Variants in ATP6V0E2 observed in about 807,000 individuals in gnomAD.
ATP6V0E2 encodes V-type proton ATPase subunit e 2.
Under a neutral mutation model 11.5 loss-of-function variants are expected in ATP6V0E2, and 4 were observed. The ratio of observed to expected loss-of-function variants is 0.35; its 90% CI spans 0.17 to 0.80. The LOEUF is 0.80. Among genes scored for constraint, ATP6V0E2 ranks in the 30% least tolerant of loss-of-function variants. The pLI, the probability that ATP6V0E2 is intolerant of heterozygous loss-of-function variation, is 0.53. For synonymous variants in ATP6V0E2, 52 were observed against 51.0 expected (o/e 1.02, Z -0.09); for missense variants, 93 against 113.5 (o/e 0.82, Z 0.82).
At chr7:149,879,146 C>A (rs1456326315) in intron 3 of ATP6V0E2, 189 bp from the exon 4 acceptor site, 7 of 1,398,912 alleles carry the variant, frequency 5.0e-6, no homozygotes, top group Admixed American at 3.1e-5. Flanking sequence ...TCCCAGCACC[C>A]CCCTCCCCCA....
upstream of ATP6V0E2, chr7:149,873,244 G>C (rs980902000): frequency 9.2e-5 from 14 of 152,288 alleles, no homozygotes; most frequent in African/African-American, 3.4e-4. Flanking sequence ...GACGCAAGGA[G>C]TCAAGGATCT....
chr7:149,876,006 A>C, intron 2 of ATP6V0E2: 1 of 477,882 alleles, frequency 2.1e-6, no homozygotes, highest in Non-Finnish European at 4.1e-6. Flanking sequence ...ATGAAATTAC[A>C]ACTCTCGAGA....
In ATP6V0E2 at chr7:149,879,401, C is replaced by A. The variant is rs745322377; in HGVS notation, c.*86C>A. 1 of 1,601,788 alleles carries A rather than the reference C, an allele frequency of 6.2e-7. No homozygotes were observed. The highest frequency in any genetic ancestry group is 8.5e-7 in the Non-Finnish European group (1 of 1,174,300). The stretch of plus-strand genomic sequence containing the variant: ...CAACCCCTTCGTCCGGACCCTCCCC[C>A]ACACAACTATGTCTGGTCACCAGCT... On this transcript the variant is annotated 3_prime_UTR_variant, in exon 4 of 4. Transcript: ENST00000425642.
At chr7:149,876,939 T>G (rs1413162333) in intron 2 of ATP6V0E2, among the ~76,000 whole-genome samples, 3 of 152,242 alleles carry the variant, frequency 2.0e-5, no homozygotes, top group Non-Finnish European at 2.9e-5. Context: ...AAAACCCACT[T>G]TCAAAAAATT....
upstream of ATP6V0E2, chr7:149,873,758 G>A (rs1802957204): frequency 2.1e-6 from 2 of 956,450 alleles, no homozygotes; most frequent in African/African-American, 1.7e-5. Context: ...CGTTGGCTGT[G>A]CGGGCGCGGG....
chr7:149,878,964 TG>T, intron 3 of ATP6V0E2, 174 bp downstream of exon 3: 1 of 121,204 alleles, frequency 8.3e-6, no homozygotes, highest in Non-Finnish European at 1.3e-5. Context: ...GGCAGGCACA[TG>T]GGGTTGGTAT....
chr7:149,879,800 C>T lies in ATP6V0E2; in HGVS notation c.*485C>T, dbSNP rs1178956340. On this transcript the variant is annotated 3_prime_UTR_variant, in exon 4 of 4. Coordinates refer to ENST00000425642, the MANE Select transcript of ATP6V0E2 (RefSeq NM_145230.4). ...GGCCTCTATTGGGTTATAGGCAAGG[C>T]CTTTTCTCTGGCATGGAATTGTTAA... 3.2e-6 allele frequency: 2 copies of T among 629,082 alleles called. No homozygotes were observed. Among genetic ancestry groups the T allele is most frequent in the Non-Finnish European group, 4.7e-6 (2 of 425,890 alleles). The allele number at this position is 629,082 out of a possible 1,614,324, so 39.0% of individuals were successfully genotyped here. A position where few individuals can be genotyped will look rare whatever the true frequency, so the allele number is the denominator to read the frequency against.
chr7:149,876,553 C>G lies in ATP6V0E2; in HGVS notation c.152+908C>G, dbSNP rs556915935. Reference sequence around the variant, plus strand: ...AACTGCCATTCACAATAGCCAATCCCTCTTTATTAAAAAAATTTTTTAAAA... The same window carrying G: ...AACTGCCATTCACAATAGCCAATCCGTCTTTATTAAAAAAATTTTTTAAAA... On this transcript the variant is annotated intron_variant, in intron 2 of 3. Coordinates refer to ENST00000425642, the MANE Select transcript of ATP6V0E2 (RefSeq NM_145230.4). 7.2e-5 allele frequency among the ~76,000 whole-genome samples: 11 copies of G among 152,312 alleles called. 1 individual carries two copies. Among genetic ancestry groups the G allele is most frequent in the Admixed American group, 6.5e-4 (10 of 15,298 alleles).
At chr7:149,878,520 C>T (rs973479650) in intron 2 of ATP6V0E2, among the ~76,000 whole-genome samples, 158 bp from the exon 3 acceptor site, 3 of 152,084 alleles carry the variant, frequency 2.0e-5, no homozygotes, top group African/African-American at 2.4e-5. Flanking sequence ...ATGTGCCTGC[C>T]GGAGTGTGGA....
chr7:149,875,456 A>G, intron 1 of ATP6V0E2, 142 bp from the exon 2 acceptor site: 2 of 809,890 alleles, frequency 2.5e-6, no homozygotes, highest in South Asian at 2.8e-5. Flanking sequence ...CCCTGAGTAG[A>G]ACTCAGCCTC....
chr7:149,879,076 A>ACAT, intron 3 of ATP6V0E2: 1 of 1,369,116 alleles, frequency 7.3e-7, no homozygotes, highest in Non-Finnish European at 9.5e-7. Flanking sequence ...AGGGGACTGA[A>ACAT]CATCAACTCC....
chr7:149,879,844 T>C lies in ATP6V0E2; in HGVS notation c.*529T>C. On this transcript the variant is annotated 3_prime_UTR_variant, in exon 4 of 4. Transcript: ENST00000425642. The stretch of plus-strand genomic sequence containing the variant: ...TTGTTAATTTTCTGACACGTCTAGA[T>C]GTGAAATTTCTGAAAATGTTGAAGC... The C allele has an allele frequency of 2.2e-6, 1 of 463,902 alleles. No homozygotes were observed. The highest frequency in any genetic ancestry group is 4.4e-5 in the Admixed American group (1 of 22,902). The allele number at this position is 463,902 out of a possible 1,614,324, so 28.7% of individuals were successfully genotyped here.
chr7:149,876,341 A>G (rs910619813), intron 2 of ATP6V0E2, among the ~76,000 whole-genome samples: 5 of 151,928 alleles, frequency 3.3e-5, no homozygotes, highest in Admixed American at 1.3e-4. Flanking sequence ...TTACCACTGC[A>G]CTCCAGCCTG....
chr7:149,873,602 T>G, upstream of ATP6V0E2: 1 of 266,250 alleles, frequency 3.8e-6, no homozygotes, highest in Non-Finnish European at 7.1e-6. Context: ...CGCGGGGCCG[T>G]CAGGTTCGGG....
intron 3 of ATP6V0E2, 94 bp from the exon 4 acceptor site, chr7:149,879,241 T>A: frequency 7.1e-7 from 1 of 1,408,282 alleles, no homozygotes; most frequent in Non-Finnish European, 9.2e-7. Context: ...CTGAGGACTA[T>A]CTGGGCAGGG....
chr7:149,879,628 G>A lies in ATP6V0E2; in HGVS notation c.*313G>A. 6.8e-7 allele frequency: 1 copy of A among 1,464,104 alleles called. No individual in the cohort carries two copies. Among genetic ancestry groups the A allele is most frequent in the South Asian group, 1.5e-5 (1 of 65,518 alleles). 90.7% of individuals were successfully genotyped at this position (1,464,104 alleles called of 1,614,324 possible). ...GCTGCTGGGGAGCTGGTATGGGTGG[G>A]GTCTTTCCCTTTACAGACGGGGCAG... On this transcript the variant is annotated 3_prime_UTR_variant, in exon 4 of 4. Transcript: ENST00000425642.
chr7:149,874,470 C>T (rs1330490105), intron 1 of ATP6V0E2: 3 of 368,992 alleles, frequency 8.1e-6, no homozygotes, highest in Non-Finnish European at 1.5e-5. Context: ...TTTCTCCACT[C>T]CTTGCTAGCT....
rs553730534 is a variant in ATP6V0E2 at position 149,875,536 on chromosome 7, C to T, written c.105-62C>T. On this transcript the variant is annotated intron_variant, in intron 1 of 3. Coordinates refer to ENST00000425642, the MANE Select transcript of ATP6V0E2 (RefSeq NM_145230.4). The stretch of plus-strand genomic sequence containing the variant: ...ACCAGGAGCTCTTCTTGCTCTGGTC[C>T]TGGCCAGGCCTTGTGAGGTGCTGGC... 1.9e-5 allele frequency: 30 copies of T among 1,562,738 alleles called. No homozygotes were observed. The East Asian group carries it at 6.7e-4, about 35-fold the overall frequency.
At chr7:149,875,916 C>T (rs1803107087) in intron 2 of ATP6V0E2, 1 of 659,414 alleles carries the variant, frequency 1.5e-6, no homozygotes, top group Admixed American at 2.1e-5. Context: ...AGGAGGCAGG[C>T]CACCTCAGTG....
Sources: gnomAD v4.1 joint callset for allele counts (sites outside exome capture counted in the v4.1 genomes callset) on GRCh38, gnomAD v4.1.1 for gene constraint, MANE v1.5 for transcripts, NCBI Gene and HGNC (gene_info 2026-07-23, HGNC 2026-07-21) for gene names.